SLC45A4: variants seen among roughly 807,000 people sequenced by gnomAD.
SLC45A4 encodes the protein solute carrier family 45 member 4.
SLC45A4 carries 32 observed loss-of-function variants against 63.7 expected under a neutral mutation model. That is an observed-to-expected ratio of 0.50 (90% CI 0.38 to 0.67). The LOEUF (loss-of-function observed/expected upper bound fraction) is 0.67, where lower values mean the gene tolerates loss of function less well. Among genes scored for constraint, SLC45A4 ranks in the 30% least tolerant of loss-of-function variants. The pLI, the probability that SLC45A4 is intolerant of heterozygous loss-of-function variation, is 0.00. For synonymous variants in SLC45A4, 535 were observed against 510.0 expected (o/e 1.05, Z -0.66); for missense variants, 1,027 against 1,157.7 (o/e 0.89, Z 1.64).
In SLC45A4 at chr8:141,211,125, A is replaced by G. The variant is rs1825778985; in HGVS notation, c.*447T>C. 3.7e-6 allele frequency: 1 copy of G among 272,020 alleles called. No individual in the cohort carries two copies. The highest frequency in any genetic ancestry group is 2.2e-5 in the African/African-American group (1 of 45,624). The allele number at this position is 272,020 out of a possible 1,614,324, so 16.9% of individuals were successfully genotyped here. On this transcript the variant is annotated 3_prime_UTR_variant, in exon 9 of 9. Transcript: ENST00000517878. ...GGGGGAGGCCCTCGCACATCCACAC[A>G]CCCGAGGTAGCCTTGCGGCGGGACT...
intron 2 of SLC45A4, among the ~76,000 whole-genome samples, chr8:141,222,270 C>G (rs905927497): frequency 2.0e-5 from 3 of 152,244 alleles, no homozygotes; most frequent in African/African-American, 7.2e-5. Flanking sequence ...TTCTAGACCT[C>G]ACTGGCTGAA....
chr8:141,230,613 G>A (rs1288236736), intron 2 of SLC45A4, among the ~76,000 whole-genome samples: 1 of 152,232 alleles, frequency 6.6e-6, no homozygotes, highest in East Asian at 1.9e-4. Context: ...CCAGGCCAGT[G>A]CTGCCTCTGC....
chr8:141,212,359 C>T lies in SLC45A4; in HGVS notation c.2139G>A (p.Leu713=), dbSNP rs754617552. 2.5e-6 allele frequency: 4 copies of T among 1,613,632 alleles called. No individual in the cohort carries two copies. The highest frequency in any genetic ancestry group is 3.4e-6 in the Non-Finnish European group (4 of 1,180,002). The change falls in exon 8 of 9, where the codon CTG becomes CTA. Residue 713 remains leucine (L), a synonymous_variant. Transcript: ENST00000517878. ...CCTCTGACACGTTGGGATAGATCACCAGGAATGTGGCCGTCAGGAAGCCCA... is the reference window on the plus strand; with the variant it reads ...CCTCTGACACGTTGGGATAGATCACTAGGAATGTGGCCGTCAGGAAGCCCA... ...SFLGFLTATF[L]VIYPNVSEEA...
chr8:141,213,723 G>A (rs988235479), intron 7 of SLC45A4, among the ~76,000 whole-genome samples: 9 of 152,246 alleles, frequency 5.9e-5, no homozygotes, highest in African/African-American at 2.2e-4. Context: ...ACGTGGCAGG[G>A]AGGACTAAGA....
chr8:141,255,196 G>A (rs1419100774), intron 1 of SLC45A4, among the ~76,000 whole-genome samples: 1 of 152,160 alleles, frequency 6.6e-6, no homozygotes, highest in Non-Finnish European at 1.5e-5. Context: ...GGAATCAAGT[G>A]ATCTCCCACC....
chr8:141,245,232 T>G (rs900434680), intron 2 of SLC45A4, among the ~76,000 whole-genome samples: 3 of 152,310 alleles, frequency 2.0e-5, no homozygotes, highest in Non-Finnish European at 1.5e-5. Context: ...CTGAGATAAG[T>G]AAGGCTACAC....
intron 1 of SLC45A4, among the ~76,000 whole-genome samples, chr8:141,270,618 C>A (rs913413882): frequency 2.6e-5 from 4 of 152,102 alleles, no homozygotes; most frequent in Admixed American, 1.3e-4. Flanking sequence ...CTGCAGTGAG[C>A]CAAGATCGCA....
chr8:141,228,660 G>A, intron 2 of SLC45A4: 5 of 1,024,126 alleles, frequency 4.9e-6, no homozygotes, highest in Non-Finnish European at 5.9e-6. Flanking sequence ...TATCGTAGCT[G>A]TATAAACAAC....
intron 2 of SLC45A4, among the ~76,000 whole-genome samples, chr8:141,233,484 T>C (rs919819582): frequency 2.4e-4 from 37 of 152,012 alleles, no homozygotes; most frequent in African/African-American, 8.2e-4. Context: ...AAGTTCGAGA[T>C]CAGCCTGGCC....
chr8:141,288,621 T>C (rs1015337686), intron 1 of SLC45A4, among the ~76,000 whole-genome samples: 16 of 152,222 alleles, frequency 1.1e-4, no homozygotes, highest in African/African-American at 3.6e-4. Context: ...GTGTACTGAC[T>C]ATGGCACTGT....
chr8:141,305,497 C>T (rs1189477575), intron 1 of SLC45A4, among the ~76,000 whole-genome samples: 1 of 152,228 alleles, frequency 6.6e-6, no homozygotes, highest in Non-Finnish European at 1.5e-5. Flanking sequence ...GAGGAACAGT[C>T]CTCACCCATC....
At chr8:141,240,801 GCT>G (rs1432083396) in intron 2 of SLC45A4, among the ~76,000 whole-genome samples, 7 of 152,230 alleles carry the variant, frequency 4.6e-5, no homozygotes, top group Non-Finnish European at 8.8e-5. Context: ...TTGGATCCTA[GCT>G]CTGAGACACC....
chr8:141,216,044 C>T, intron 6 of SLC45A4, 74 bp from the exon 7 acceptor site: 1 of 1,334,628 alleles, frequency 7.5e-7, no homozygotes. Flanking sequence ...CACCATCCCT[C>T]CCCTCGCCCC....
chr8:141,307,586 CAG>C (rs1236117488), intron 1 of SLC45A4, among the ~76,000 whole-genome samples: 3 of 151,942 alleles, frequency 2.0e-5, no homozygotes, highest in African/African-American at 7.3e-5. Flanking sequence ...CCGGTCCAGA[CAG>C]AGGGGAGAGG....
At chr8:141,280,708 C>G (rs563686398) in intron 1 of SLC45A4, among the ~76,000 whole-genome samples, 1 of 152,146 alleles carries the variant, frequency 6.6e-6, no homozygotes, top group Non-Finnish European at 1.5e-5. Flanking sequence ...GGTTTTTGTT[C>G]GTGTAATGCG....
At chr8:141,271,873 A>C (rs1829542286) in intron 1 of SLC45A4, among the ~76,000 whole-genome samples, 1 of 151,808 alleles carries the variant, frequency 6.6e-6, no homozygotes, top group African/African-American at 2.4e-5. Context: ...GCACTCACAC[A>C]CGTGCATGCA....
Position 141,218,075 on chromosome 8 carries a change from AC to A in SLC45A4, c.1564del (p.Val522SerfsTer67). 2 of 1,611,898 alleles carry A rather than the reference AC, an allele frequency of 1.2e-6. No individual in the cohort carries two copies. Among genetic ancestry groups the A allele is most frequent in the Non-Finnish European group, 1.7e-6 (2 of 1,179,518 alleles). ...CLCHLLTWFSVIAEAVFYTDF... is the reference protein window; with the variant it reads ...CLCHLLTWFSXIAEAVFYTDF... ...GGTGTAGAACACGGCCTCGGCGATG[AC>A]AGAGAACCAGGTGAGGAGGTGGCAG... On this transcript the variant is annotated frameshift_variant, in exon 5 of 9. Coordinates refer to ENST00000517878, the MANE Select transcript of SLC45A4 (RefSeq NM_001286646.2). LOFTEE classifies it high-confidence loss of function.
At chr8:141,243,519 C>A (rs987517629) in intron 2 of SLC45A4, among the ~76,000 whole-genome samples, 1 of 152,216 alleles carries the variant, frequency 6.6e-6, no homozygotes, top group South Asian at 2.1e-4. Flanking sequence ...GTGGCTCACA[C>A]CTATCATCTC....
intron 1 of SLC45A4, among the ~76,000 whole-genome samples, chr8:141,263,539 G>A (rs1384631021): frequency 1.3e-5 from 2 of 151,610 alleles, no homozygotes; most frequent in African/African-American, 2.4e-5. Context: ...AGGCCGAGGC[G>A]GGTAGATCAC....
Sources: allele counts gnomAD v4.1 joint callset (sites outside exome capture counted in the v4.1 genomes callset), GRCh38; gene constraint gnomAD v4.1.1; transcripts MANE v1.5; gene names NCBI Gene and HGNC (gene_info 2026-07-23, HGNC 2026-07-21).